Variants in CIT observed in about 807,000 individuals in gnomAD.
CIT encodes citron Rho-interacting kinase.
CIT carries 79 observed loss-of-function variants against 272.7 expected under a neutral mutation model. The ratio of observed to expected loss-of-function variants is 0.29; its 90% confidence interval spans 0.24 to 0.35. The LOEUF is 0.35. CIT is among the 10% of genes least tolerant of loss of function. The pLI, the probability that CIT is intolerant of heterozygous loss-of-function variation, is 1.00. For synonymous variants in CIT, 948 were observed against 995.6 expected, an observed-to-expected ratio of 0.95 and a Z score of 0.90; for missense variants, 1,909 against 2,618.3, an observed-to-expected ratio of 0.73 and a Z score of 5.91.
At chr12:119,701,998 C>T (rs950222701) in intron 41 of CIT, 40 bp from the exon 42 acceptor site, 2 of 1,486,878 alleles carry the variant, frequency 1.3e-6, no homozygotes, top group African/African-American at 2.8e-5. Flanking sequence ...TGAGAGGTAA[C>T]ACAGGGCAGC....
intron 5 of CIT, among the ~76,000 whole-genome samples, chr12:119,835,469 C>T (rs562215486): frequency 3.8e-4 from 58 of 152,274 alleles, no homozygotes; most frequent in Non-Finnish European, 5.7e-4. Context: ...TTTAGACAAT[C>T]GCTGTAGCCA....
intron 10 of CIT, among the ~76,000 whole-genome samples, chr12:119,791,497 C>T (rs1965306423): frequency 6.6e-6 from 1 of 152,176 alleles, no homozygotes; most frequent in African/African-American, 2.4e-5. Flanking sequence ...TATTAGAAAC[C>T]CAGGCCAGTT....
At chr12:119,846,810 C>A (rs894452622) in intron 5 of CIT, among the ~76,000 whole-genome samples, 9 of 151,428 alleles carry the variant, frequency 5.9e-5, no homozygotes, top group African/African-American at 2.2e-4. Flanking sequence ...GAAGGTGAAG[C>A]AGGAGAATCA....
In CIT at chr12:119,712,548, C is replaced by T. The variant is rs1276264066; in HGVS notation, c.4684+43G>A. 4.4e-6 allele frequency: 7 copies of T among 1,584,904 alleles called. No homozygotes were observed. Among genetic ancestry groups the T allele is most frequent in the Non-Finnish European group, 6.1e-6 (7 of 1,154,254 alleles). ...CTTCTGTCCCTGCTGATTGGCCAAG[C>T]CCGGCCCACCTCCAGGGCGGGGCTC... is the stretch of plus-strand genomic sequence containing the variant. On this transcript the variant is annotated intron_variant, in intron 36 of 47. Transcript: ENST00000392521. This position sits in a 1 kb window ranked among gnomAD's most constrained non-coding sequence, Gnocchi z 5.2.
At chr12:119,744,276 C>T (rs278118) in intron 23 of CIT, among the ~76,000 whole-genome samples, 128,507 of 151,986 alleles carry the variant, frequency 0.85, 54,804 homozygotes, top group African/African-American at 0.93. Context: ...GAGTCAAAGA[C>T]GCCCTAACAG....
chr12:119,776,220 C>A, intron 15 of CIT, 138 bp downstream of exon 15: 1 of 726,568 alleles, frequency 1.4e-6, no homozygotes, highest in Non-Finnish European at 2.4e-6. Flanking sequence ...CAAAGGTGGA[C>A]TATCAAAATA....
chr12:119,762,858 G>T (rs986330742), intron 19 of CIT, among the ~76,000 whole-genome samples: 1 of 152,084 alleles, frequency 6.6e-6, no homozygotes, highest in Non-Finnish European at 1.5e-5. Flanking sequence ...GGGCAACATA[G>T]CAAGACCCCA....
Position 119,710,243 on chromosome 12 carries a change from C to T in CIT, c.5071+8G>A. 1 of 1,613,216 alleles carries T rather than the reference C, an allele frequency of 6.2e-7. No homozygotes were observed. The highest frequency in any genetic ancestry group is 8.5e-7 in the Non-Finnish European group (1 of 1,179,748). On this transcript the variant is annotated splice_region_variant and intron_variant, in intron 39 of 47. Transcript: ENST00000392521. The surrounding 1 kb of genome is among the most constrained non-coding windows in gnomAD (Gnocchi z 5.6). ...TAAAGAAAAAACACCATGTCCTTGG[C>T]CTCACACCTGCTATCATGAGTAGCT...
chr12:119,761,112 C>CTA, intron 19 of CIT, 57 bp from the exon 20 acceptor site: 1 of 1,214,440 alleles, frequency 8.2e-7, no homozygotes, highest in Non-Finnish European at 1.2e-6. Flanking sequence ...GGAGGGAAGA[C>CTA]TAAACGGGGA....
intron 5 of CIT, among the ~76,000 whole-genome samples, chr12:119,840,851 T>C (rs1969362963): frequency 6.6e-6 from 1 of 152,206 alleles, no homozygotes; most frequent in African/African-American, 2.4e-5. Context: ...AGCTGCCACA[T>C]TTCACTAAAG....
intron 5 of CIT, among the ~76,000 whole-genome samples, chr12:119,843,594 A>G (rs892193870): frequency 6.6e-6 from 1 of 152,046 alleles, no homozygotes; most frequent in Non-Finnish European, 1.5e-5. Flanking sequence ...GGAAGATTAC[A>G]AGGTCAGGAG....
chr12:119,727,114 C>A (rs956171579), intron 28 of CIT, among the ~76,000 whole-genome samples: 4 of 152,180 alleles, frequency 2.6e-5, no homozygotes, highest in South Asian at 4.1e-4. Context: ...TATTCATTCA[C>A]CCATGTATTT....
chr12:119,841,461 C>A (rs891631389), intron 5 of CIT, among the ~76,000 whole-genome samples: 1 of 152,136 alleles, frequency 6.6e-6, no homozygotes, highest in Non-Finnish European at 1.5e-5. Flanking sequence ...ATGTGTGAGC[C>A]ACCGTGCCCA....
In CIT at chr12:119,718,321, C is replaced by T. The variant is rs367917273; in HGVS notation, c.4092G>A (p.Ser1364=). 35 of 1,613,846 alleles carry T rather than the reference C, an allele frequency of 2.2e-5. No homozygotes were observed. The highest frequency in any genetic ancestry group is 5.3e-5 in the African/African-American group (4 of 74,914). ...QQIAMSAIVR[S]PEHQPSAMSL... Reference sequence around the variant, plus strand: ...TCATGGCACTGGGCTGGTGCTCTGGCGACCGCACGATGGCGGACATGGCGA... The same window carrying T: ...TCATGGCACTGGGCTGGTGCTCTGGTGACCGCACGATGGCGGACATGGCGA... Residue 1364 remains serine, a synonymous_variant, in exon 32 of 48, where the codon TCG becomes TCA. Coordinates refer to ENST00000392521, the MANE Select transcript of CIT (RefSeq NM_001206999.2). The surrounding 1 kb of genome is among the most constrained non-coding windows in gnomAD (Gnocchi z 4.8).
chr12:119,686,964 G>C lies in CIT; in HGVS notation c.*1268C>G, dbSNP rs1219686824. ...TGGAAAGTCACAGTTTCGTGGGGTA[G>C]AACCGCGCTGGATTGGGTGTGAACA... On this transcript the variant is annotated 3_prime_UTR_variant, in exon 48 of 48. Transcript: ENST00000392521. 6.5e-6 allele frequency: 1 copy of C among 152,728 alleles called. No individual in the cohort carries two copies. Among genetic ancestry groups the C allele is most frequent in the Non-Finnish European group, 1.5e-5 (1 of 68,106 alleles). 9.5% of individuals were successfully genotyped at this position (152,728 alleles called of 1,614,324 possible).
At chr12:119,858,747 G>A (rs1283975130) in intron 3 of CIT, among the ~76,000 whole-genome samples, 1 of 151,350 alleles carries the variant, frequency 6.6e-6, no homozygotes, top group Non-Finnish European at 1.5e-5. Flanking sequence ...GCGTGAACCT[G>A]GGAGACAGAG....
Position 119,690,120 on chromosome 12 carries a change from CAG to C in CIT, c.6186+29_6186+30del, listed in dbSNP as rs774232740. 57 of 1,443,436 alleles carry C rather than the reference CAG, an allele frequency of 3.9e-5. No individual in the cohort carries two copies. The highest frequency in any genetic ancestry group is 4.9e-5 in the Non-Finnish European group (54 of 1,106,828). 89.4% of individuals were successfully genotyped at this position (1,443,436 alleles called of 1,614,324 possible). ...CCCAAGTCACTCCTGGCCTCCGCAACAGACACACAGGCCTCGGAATGCTGCCT... is the reference window on the plus strand; with the variant it reads ...CCCAAGTCACTCCTGGCCTCCGCAACACACACAGGCCTCGGAATGCTGCCT... On this transcript the variant is annotated intron_variant, in intron 47 of 47. Coordinates refer to ENST00000392521, the MANE Select transcript of CIT (RefSeq NM_001206999.2). The surrounding 1 kb of genome is among the most constrained non-coding windows in gnomAD (Gnocchi z 6.0).
intron 23 of CIT, among the ~76,000 whole-genome samples, chr12:119,743,556 T>C (rs904045445): frequency 1.3e-5 from 2 of 152,324 alleles, no homozygotes; most frequent in African/African-American, 4.8e-5. Context: ...ATAAAAAAGA[T>C]AGAATTGAAA....
At chr12:119,844,349 C>A (rs1483172054) in intron 5 of CIT, among the ~76,000 whole-genome samples, 1 of 151,928 alleles carries the variant, frequency 6.6e-6, no homozygotes, top group Admixed American at 6.6e-5. Flanking sequence ...TATGTAACAC[C>A]CTCAGTAGGG....
Sources: allele counts gnomAD v4.1 joint callset (sites outside exome capture counted in the v4.1 genomes callset), GRCh38; gene constraint gnomAD v4.1.1; non-coding constraint Gnocchi (gnomAD v3.1); transcripts MANE v1.5; gene names NCBI Gene and HGNC (gene_info 2026-07-23, HGNC 2026-07-21).